Variants in RELA observed in about 807,000 individuals in gnomAD.
RELA encodes the protein transcription factor p65.
RELA carries 14 observed loss-of-function variants against 56.7 expected under a neutral mutation model. The ratio of observed to expected loss-of-function variants is 0.25; its 90% CI spans 0.16 to 0.39. RELA has a LOEUF of 0.39. RELA is among the 10% of genes least tolerant of loss of function. RELA has a pLI of 1.00. For missense variants in RELA, 559 were observed against 736.4 expected (o/e 0.76, Z 2.79); for synonymous variants, 315 against 289.7 (o/e 1.09, Z -0.89).
At chr11:65,662,638 C>G (rs1348571231) in intron 1 of RELA, 188 bp downstream of exon 1, 2 of 396,260 alleles carry the variant, frequency 5.0e-6, no homozygotes, top group African/African-American at 4.2e-5. Context: ...GCCACCCCCT[C>G]CACCCAGAGG....
At chr11:65,663,315 TC>T (rs973001403), upstream of RELA, among the ~76,000 whole-genome samples, 1 of 151,886 alleles carries the variant, frequency 6.6e-6, no homozygotes, top group Non-Finnish European at 1.5e-5. Context: ...GGCCTTCTGC[TC>T]CGCAGAGGCC....
At chr11:65,659,900 T>C (rs1565191287) in intron 5 of RELA, 103 bp from the exon 6 acceptor site, 3 of 1,436,562 alleles carry the variant, frequency 2.1e-6, no homozygotes, top group Admixed American at 2.2e-5. Flanking sequence ...GGTGCGTGTG[T>C]GAAACACAAG....
chr11:65,655,844 C>A lies in RELA; in HGVS notation c.958+11G>T, dbSNP rs1415252105. ...TGCCTTCCTCTCTGGCTTTCCCAGTCCCCATCTCACCGCTGAAAGGACTCT... is the reference window on the plus strand; with the variant it reads ...TGCCTTCCTCTCTGGCTTTCCCAGTACCCATCTCACCGCTGAAAGGACTCT... On this transcript the variant is annotated intron_variant, in intron 9 of 10. Coordinates refer to ENST00000406246, the MANE Select transcript of RELA (RefSeq NM_021975.4). 5 of 1,613,894 alleles carry A rather than the reference C, an allele frequency of 3.1e-6. No homozygotes were observed. Among genetic ancestry groups the A allele is most frequent in the Admixed American group, 1.7e-5 (1 of 60,016 alleles).
At position 65,655,986 on chromosome 11, in the gene RELA, C is replaced by G. The variant is rs368553194; in HGVS notation, c.878-51G>C. On this transcript the variant is annotated intron_variant, in intron 8 of 10. Transcript: ENST00000406246. ...GACTTGCTCTCCTCAGGTGGGTCCC[C>G]GACGCTCTCAAAGGTCCCTCAGGAG... is the stretch of plus-strand genomic sequence containing the variant. The G allele has an allele frequency of 4.6e-6, 7 of 1,518,384 alleles. No individual in the cohort carries two copies. In the Admixed American group the frequency reaches 5.0e-5, roughly 11 times the overall value. The allele number at this position is 1,518,384 out of a possible 1,614,324, so 94.1% of individuals were successfully genotyped here.
Position 65,654,625 on chromosome 11 carries a change from T to C in RELA, c.1409A>G (p.Asp470Gly). Residue 470 changes from aspartate to glycine, a missense_variant, in exon 11 of 11, where the codon GAC becomes GGC. Around this residue, in one of 4 missense-constraint regions of RELA, gnomAD observed 365 missense variants for 387.5 expected, o/e 0.94. Transcript: ENST00000406246. Reference sequence around the variant, plus strand: ...CAGCAGCTGCTGAAACTCGGAGTTGTCGACGGATGCCAGGTCTGTGAACAC... The same window carrying C: ...CAGCAGCTGCTGAAACTCGGAGTTGCCGACGGATGCCAGGTCTGTGAACAC... ...PAVFTDLASV[D>G]NSEFQQLLNQ... is the part of the protein sequence containing the mutation. 2 of 1,607,574 alleles carry C rather than the reference T, an allele frequency of 1.2e-6. No individual in the cohort carries two copies. The highest frequency in any genetic ancestry group is 1.7e-6 in the Non-Finnish European group (2 of 1,177,352).
In RELA at chr11:65,658,458, G is replaced by A. The variant is rs1856484601; in HGVS notation, c.706C>T (p.Arg236Ter). The A allele has an allele frequency of 1.9e-6, 3 of 1,612,582 alleles. No individual in the cohort carries two copies. The highest frequency in any genetic ancestry group is 1.7e-6 in the Non-Finnish European group (2 of 1,178,920). ...ACATCAGCTTGCGAAAAGGAGCCTC[G>A]GGCCTCCCAGCCTGGTCCCGTGAAA... The part of the protein sequence containing the change: ...VYFTGPGWEA[R>*]GSFSQADVHR... Residue 236 changes from arginine (R) to a stop codon, truncating the protein, a stop_gained, in exon 8 of 11, where the codon CGA (arginine) becomes TGA (stop). Transcript: ENST00000406246. LOFTEE classifies it high-confidence loss of function. This position sits in a 1 kb window ranked among gnomAD's most constrained non-coding sequence, Gnocchi z 4.5.
Position 65,654,281 on chromosome 11 carries a change from G to T in RELA, c.*97C>A, listed in dbSNP as rs768418223. 5.4e-6 allele frequency: 8 copies of T among 1,480,488 alleles called. No individual in the cohort carries two copies. The South Asian group carries it at 8.1e-5, about 15-fold the overall frequency. 91.7% of individuals were successfully genotyped at this position (1,480,488 alleles called of 1,614,324 possible). On this transcript the variant is annotated 3_prime_UTR_variant, in exon 11 of 11. Transcript: ENST00000406246. ...CCAAGGAAGACATCCACAAAGTTGG[G>T]GGCAGTTGGAACACACCCCACCAGA... is the stretch of plus-strand genomic sequence containing the variant.
upstream of RELA, chr11:65,663,125 C>T: frequency 8.7e-6 from 2 of 228,594 alleles, no homozygotes; most frequent in Non-Finnish European, 1.7e-5. Flanking sequence ...CGGCTAGCTC[C>T]CGGGTCCCGG....
intron 8 of RELA, among the ~76,000 whole-genome samples, chr11:65,657,379 T>C (rs1856457582): frequency 6.6e-6 from 1 of 152,074 alleles, no homozygotes; most frequent in South Asian, 2.1e-4. Flanking sequence ...ACAGCAACAT[T>C]TCCAGAATGG....
chr11:65,662,738 G>C, intron 1 of RELA, 88 bp downstream of exon 1: 1 of 1,058,676 alleles, frequency 9.4e-7, no homozygotes, highest in Admixed American at 4.5e-5. Context: ...CGTCGGCGCA[G>C]GAAGGGGCGG....
At chr11:65,655,544 AG>A (rs1251907758) in intron 10 of RELA, 143 bp downstream of exon 10, 4 of 737,052 alleles carry the variant, frequency 5.4e-6, no homozygotes, top group African/African-American at 1.8e-5. Flanking sequence ...TTAGCATCCC[AG>A]GAAGTCGCTG....
rs770313905 is a variant in RELA, at chr11:65,658,392, C to T, written c.772G>A (p.Ala258Thr). Residue 258 changes from alanine (A) to threonine (T), a missense_variant, in exon 8 of 11, where the codon GCA becomes ACA. This residue lies in a region of RELA where 149 missense variants were observed against 256.0 expected (regional missense o/e 0.58). Transcript: ENST00000406246. This position sits in a 1 kb window ranked among gnomAD's most constrained non-coding sequence, Gnocchi z 4.5. Reference sequence around the variant, plus strand: ...ACAGGAGCCTGCAGGCTGGGGTCTGCGTAGGGAGGGGTCCGGAACACAATG... The same window carrying T: ...ACAGGAGCCTGCAGGCTGGGGTCTGTGTAGGGAGGGGTCCGGAACACAATG... ...VAIVFRTPPY[A>T]DPSLQAPVRV... 1.1e-5 allele frequency: 18 copies of T among 1,613,828 alleles called. No homozygotes were observed. Among genetic ancestry groups the T allele is most frequent in the Middle Eastern group, 1.6e-4 (1 of 6,078 alleles).
intron 10 of RELA, chr11:65,655,374 C>G (rs1856396706): frequency 8.7e-6 from 5 of 575,910 alleles, no homozygotes; most frequent in African/African-American, 7.5e-5. Context: ...AGTTTTTGAG[C>G]CTCGCACAGG....
At chr11:65,659,545 G>C in intron 6 of RELA, 121 bp downstream of exon 6, 1 of 1,286,338 alleles carries the variant, frequency 7.8e-7, no homozygotes, top group Non-Finnish European at 1.1e-6. Flanking sequence ...GAGAAGAGTA[G>C]ACAAATACGC....
chr11:65,658,399 A>C lies in RELA; in HGVS notation c.765T>G (p.Pro255=). ...HRQVAIVFRT[P]PYADPSLQAP... is the part of the protein sequence containing the mutation. ...CCTGCAGGCTGGGGTCTGCGTAGGG[A>C]GGGGTCCGGAACACAATGGCCACTT... Residue 255 remains proline (P), a synonymous_variant, in exon 8 of 11, where the codon CCT becomes CCG. Transcript: ENST00000406246. This position sits in a 1 kb window ranked among gnomAD's most constrained non-coding sequence, Gnocchi z 4.5. The C allele has an allele frequency of 6.2e-7, 1 of 1,613,926 alleles. No homozygotes were observed. Among genetic ancestry groups the C allele is most frequent in the South Asian group, 1.1e-5 (1 of 91,022 alleles).
intron 1 of RELA, 82 bp downstream of exon 1, chr11:65,662,744 G>A (rs1253019277): frequency 1.1e-5 from 12 of 1,095,302 alleles, no homozygotes; most frequent in Non-Finnish European, 1.4e-5. Flanking sequence ...CGCAGGAAGG[G>A]GCGGAAAGCG....
At chr11:65,659,939 C>T (rs1227688800) in intron 5 of RELA, 142 bp from the exon 6 acceptor site, 15 of 1,244,136 alleles carry the variant, frequency 1.2e-5, no homozygotes, top group Admixed American at 2.2e-5. Flanking sequence ...CCAGCACTGA[C>T]TCCACTGTGG....
chr11:65,654,850 G>C lies in RELA; in HGVS notation c.1184C>G (p.Pro395Arg), dbSNP rs1208220510. 3 of 1,561,574 alleles carry C rather than the reference G, an allele frequency of 1.9e-6. No homozygotes were observed. Among genetic ancestry groups the C allele is most frequent in the Non-Finnish European group, 2.6e-6 (3 of 1,150,136 alleles). Residue 395 changes from proline (P) to arginine (R), a missense_variant, in exon 11 of 11, where the codon CCT (proline) becomes CGT (arginine). Transcript: ENST00000406246. ...CAGAGCTGATACCATGGCTGGAGCA[G>C]GGGCAGGGGCTGGAGCCTGGGGCAG... Reference protein sequence around the residue: ...QVLPQAPAPAPAPAMVSALAQ... With the variant: ...QVLPQAPAPARAPAMVSALAQ...
At chr11:65,663,000 G>C, upstream of RELA, 1 of 372,454 alleles carries the variant, frequency 2.7e-6, no homozygotes. Flanking sequence ...CGCAGGGGCC[G>C]GGAGCAAGTG....
Sources: allele counts gnomAD v4.1 joint callset (sites outside exome capture counted in the v4.1 genomes callset), GRCh38; gene constraint gnomAD v4.1.1; regional missense constraint gnomAD v4.1.1; non-coding constraint Gnocchi (gnomAD v3.1); transcripts MANE v1.5; gene names NCBI Gene and HGNC (gene_info 2026-07-23, HGNC 2026-07-21).